The following IMMP2L variants were observed in gnomAD, a reference collection of about 807,000 sequenced individuals.
The protein encoded by IMMP2L is inner mitochondrial membrane peptidase subunit 2, also known as mitochondrial inner membrane protease subunit 2.
Under a neutral mutation model 19.3 loss-of-function variants are expected in IMMP2L, and 18 were observed. The ratio of observed to expected loss-of-function variants is 0.93; its 90% CI spans 0.64 to 1.38. The LOEUF (loss-of-function observed/expected upper bound fraction) is 1.38. Among genes scored for constraint, IMMP2L ranks in the 40% most tolerant of loss-of-function variants. The pLI, the probability that IMMP2L is intolerant of heterozygous loss-of-function variation, is 0.00. For synonymous variants in IMMP2L, 76 were observed against 73.0 expected, an observed-to-expected ratio of 1.04 and a Z score of -0.21; for missense variants, 233 against 218.2, an observed-to-expected ratio of 1.07 and a Z score of -0.43.
At chr7:110,986,279 C>T (rs958029155) in intron 3 of IMMP2L, among the ~76,000 whole-genome samples, 14 of 152,218 alleles carry the variant, frequency 9.2e-5, no homozygotes, top group Middle Eastern at 3.4e-3. Context: ...GACCCTGTTA[C>T]ACCAACTTCC....
At position 110,727,578 on chromosome 7, in the gene IMMP2L, A is replaced by T. The variant is rs958432229; in HGVS notation, c.409-63857T>A. 6.6e-6 allele frequency among the ~76,000 whole-genome samples: 1 copy of T among 152,236 alleles called. No individual in the cohort carries two copies. The highest frequency in any genetic ancestry group is 1.5e-5 in the Non-Finnish European group (1 of 68,050). On this transcript the variant is annotated intron_variant, in intron 5 of 5. Coordinates refer to ENST00000405709, the MANE Select transcript of IMMP2L (RefSeq NM_032549.4). The surrounding 1 kb of genome is among the most constrained non-coding windows in gnomAD (Gnocchi z 4.3). Reference sequence around the variant, plus strand: ...GTTAGCAAATTGAAGGTAGAGGAGAAGACAAGGTAGGGAAAGAGAGAGGAG... The same window carrying T: ...GTTAGCAAATTGAAGGTAGAGGAGATGACAAGGTAGGGAAAGAGAGAGGAG...
At chr7:111,097,291 G>A (rs1373542720) in intron 3 of IMMP2L, 3 of 151,856 alleles carry the variant, frequency 2.0e-5, no homozygotes, top group African/African-American at 4.8e-5. Context: ...GCCCCCTAAC[G>A]TGAAGCTTGG....
intron 3 of IMMP2L, among the ~76,000 whole-genome samples, chr7:111,079,454 A>C (rs1795704757): frequency 1.3e-5 from 2 of 152,146 alleles, no homozygotes; most frequent in Non-Finnish European, 1.5e-5. Flanking sequence ...AATACTATAC[A>C]AATTGGCATT....
intron 3 of IMMP2L, among the ~76,000 whole-genome samples, chr7:111,241,392 C>A (rs890002284): frequency 1.3e-5 from 2 of 151,892 alleles, no homozygotes; most frequent in Non-Finnish European, 2.9e-5. Flanking sequence ...TCTTGTACAA[C>A]AACAAGAAAT....
At chr7:110,766,581 TAAAAAAAAAAAAAA>T (rs772192515) in intron 5 of IMMP2L, among the ~76,000 whole-genome samples, 1 of 96,796 alleles carries the variant, frequency 1.0e-5, no homozygotes, top group African/African-American at 4.0e-5. Context: ...AGACTTCATT[TAAAAAAAAAAAAAA>T]AAAAAAAAAA....
chr7:111,221,461 CT>C (rs1172796356), intron 3 of IMMP2L, among the ~76,000 whole-genome samples: 1 of 151,858 alleles, frequency 6.6e-6, no homozygotes, highest in Non-Finnish European at 1.5e-5. Context: ...AAACTACAGA[CT>C]TCCTATAGAC....
intron 3 of IMMP2L, among the ~76,000 whole-genome samples, chr7:111,263,271 G>A (rs1359444180): frequency 1.3e-5 from 2 of 152,228 alleles, no homozygotes; most frequent in Admixed American, 1.3e-4. Flanking sequence ...GCTGGGAGAG[G>A]TAAAGTTAGT....
intron 5 of IMMP2L, among the ~76,000 whole-genome samples, chr7:110,706,888 T>A (rs1028952210): frequency 6.6e-6 from 1 of 152,044 alleles, no homozygotes; most frequent in African/African-American, 2.4e-5. Flanking sequence ...TGCTGTAATT[T>A]TTTTGAGGAC....
At chr7:111,558,178 T>C (rs560221091) in intron 1 of IMMP2L, among the ~76,000 whole-genome samples, 9 of 152,266 alleles carry the variant, frequency 5.9e-5, no homozygotes, top group African/African-American at 1.9e-4. Flanking sequence ...AAGTAATTCA[T>C]TGATCTAAAT....
At position 110,934,557 on chromosome 7, in the gene IMMP2L, T is replaced by C. The variant is rs145853275; in HGVS notation, c.305+28943A>G. Among the ~76,000 whole-genome samples, 88 of 152,292 alleles carry C rather than the reference T, an allele frequency of 5.8e-4. No individual in the cohort carries two copies. The East Asian group carries it at 0.016, about 28-fold the overall frequency. On this transcript the variant is annotated intron_variant, in intron 4 of 5. Coordinates refer to ENST00000405709, the MANE Select transcript of IMMP2L (RefSeq NM_032549.4). ...ATAAGAAGAAAGTATAGGTTTTCCC[T>C]CTTCAGATTTATTTTCATAATTAAT...
chr7:111,188,844 T>C (rs1562903688), intron 3 of IMMP2L, among the ~76,000 whole-genome samples: 1 of 152,172 alleles, frequency 6.6e-6, no homozygotes. Flanking sequence ...TAGCTATTAG[T>C]CCTACAGAAT....
intron 3 of IMMP2L, among the ~76,000 whole-genome samples, chr7:111,363,715 GTT>G (rs1829474577): frequency 1.3e-5 from 2 of 151,988 alleles, no homozygotes; most frequent in Admixed American, 1.3e-4. Flanking sequence ...GGACTCTCCT[GTT>G]TTAAAACCTT....
At chr7:111,134,725 G>A (rs900866147) in intron 3 of IMMP2L, among the ~76,000 whole-genome samples, 2 of 151,670 alleles carry the variant, frequency 1.3e-5, no homozygotes, top group African/African-American at 4.8e-5. Context: ...GGAGATTTTC[G>A]CCTGAAACCA....
intron 5 of IMMP2L, among the ~76,000 whole-genome samples, chr7:110,677,805 T>C (rs1792424413): frequency 6.6e-6 from 1 of 151,214 alleles, no homozygotes; most frequent in South Asian, 2.1e-4. Context: ...AAAAAATGGA[T>C]AGATAGGTTA....
intron 3 of IMMP2L, among the ~76,000 whole-genome samples, chr7:111,278,885 GTTC>G (rs1243309761): frequency 6.6e-6 from 1 of 151,854 alleles, no homozygotes; most frequent in Admixed American, 6.6e-5. Context: ...AAGATATCTT[GTTC>G]TTAACAGAAT....
chr7:110,886,688 C>T lies in IMMP2L; in HGVS notation c.313G>A (p.Gly105Arg). The T allele has an allele frequency of 3.2e-6, 5 of 1,566,810 alleles. No individual in the cohort carries two copies. The highest frequency in any genetic ancestry group is 4.4e-6 in the Non-Finnish European group (5 of 1,137,700). Residue 105 changes from glycine (G) to arginine (R), a missense_variant, in exon 5 of 6, where the codon GGA (glycine) becomes AGA (arginine). Transcript: ENST00000405709. The stretch of plus-strand genomic sequence containing the variant: ...ACTTTGACATACCGGTTTTTGTGTC[C>T]TATGGTTCTGGAAATAAACAGTGTA... Reference protein sequence around the residue: ...ALEGDIVRTIGHKNRYVKVPR... With the variant: ...ALEGDIVRTIRHKNRYVKVPR...
rs150076412 is a variant in IMMP2L, at chr7:111,488,230, G to A, written c.136-889C>T. On this transcript the variant is annotated intron_variant, in intron 2 of 5. Transcript: ENST00000405709. ...GGTTTTGTAAGAAAAGACAGTGTTCGGTTACATGAGTTAAGTTCTTCAGCA... is the reference window on the plus strand; with the variant it reads ...GGTTTTGTAAGAAAAGACAGTGTTCAGTTACATGAGTTAAGTTCTTCAGCA... 5.7e-4 allele frequency among the ~76,000 whole-genome samples: 87 copies of A among 151,916 alleles called. 2 individuals are homozygous for A. The highest frequency in any genetic ancestry group is 1.9e-3 in the African/African-American group (78 of 41,444).
chr7:111,180,393 C>T (rs1206290468), intron 3 of IMMP2L, among the ~76,000 whole-genome samples: 1 of 151,970 alleles, frequency 6.6e-6, no homozygotes, highest in Non-Finnish European at 1.5e-5. Flanking sequence ...AGATCCGGAA[C>T]CTGCCAGTCA....
At chr7:110,868,267 G>A (rs528126553) in intron 5 of IMMP2L, among the ~76,000 whole-genome samples, 13 of 151,768 alleles carry the variant, frequency 8.6e-5, no homozygotes, top group Admixed American at 5.9e-4. Context: ...GGATTTCTTC[G>A]TTTTTCTTAT....
Sources: allele counts gnomAD v4.1 joint callset (sites outside exome capture counted in the v4.1 genomes callset), GRCh38; gene constraint gnomAD v4.1.1; non-coding constraint Gnocchi (gnomAD v3.1); transcripts MANE v1.5; gene names NCBI Gene and HGNC (gene_info 2026-07-23, HGNC 2026-07-21).